MACROD2: variants seen among roughly 807,000 people sequenced by gnomAD.
MACROD2 encodes the protein mono-ADP ribosylhydrolase 2, also known as ADP-ribose glycohydrolase MACROD2.
Under a neutral mutation model 70.4 loss-of-function variants are expected in MACROD2, and 36 were observed. The ratio of observed to expected loss-of-function variants is 0.51; its 90% CI spans 0.39 to 0.68. MACROD2 has a LOEUF of 0.68. Among genes scored for constraint, MACROD2 ranks in the 30% least tolerant of loss-of-function variants. MACROD2 has a pLI of 0.00. For synonymous variants in MACROD2, 172 were observed against 178.8 expected, an observed-to-expected ratio of 0.96 and a Z score of 0.30; for missense variants, 496 against 538.4, an observed-to-expected ratio of 0.92 and a Z score of 0.78.
intron 15 of MACROD2, among the ~76,000 whole-genome samples, chr20:16,000,347 CT>C (rs1861069995): frequency 6.6e-6 from 1 of 152,144 alleles, no homozygotes; most frequent in African/African-American, 2.4e-5. Context: ...TAAGCATAGT[CT>C]TTGCTGTGTT....
At chr20:15,209,149 T>TTTATTTA in intron 5 of MACROD2, among the ~76,000 whole-genome samples, 1 of 100,276 alleles carries the variant, frequency 1.0e-5, no homozygotes, top group Non-Finnish European at 2.4e-5. Context: ...TTATTTATTT[T>TTTATTTA]TTAGTCTGCT....
chr20:14,254,033 AT>A (rs1323474851), intron 3 of MACROD2, among the ~76,000 whole-genome samples: 1 of 152,142 alleles, frequency 6.6e-6, no homozygotes, highest in African/African-American at 2.4e-5. Flanking sequence ...TAATACAAAA[AT>A]TAACAAATAG....
intron 7 of MACROD2, among the ~76,000 whole-genome samples, chr20:15,499,553 T>G (rs1383211971): frequency 6.6e-6 from 1 of 152,216 alleles, no homozygotes; most frequent in Non-Finnish European, 1.5e-5. Flanking sequence ...TTATTTATTG[T>G]CTTTTTGTTT....
intron 8 of MACROD2, among the ~76,000 whole-genome samples, chr20:15,759,242 AT>A (rs2051399506): frequency 6.6e-6 from 1 of 151,998 alleles, no homozygotes. Context: ...GAACCCGTTA[AT>A]TCCATAAGGA....
chr20:14,673,063 G>C (rs748803671), intron 4 of MACROD2, among the ~76,000 whole-genome samples: 20 of 152,164 alleles, frequency 1.3e-4, no homozygotes, highest in Non-Finnish European at 2.5e-4. Context: ...AGCGTTAAGT[G>C]AAACACTGTT....
intron 6 of MACROD2, among the ~76,000 whole-genome samples, chr20:15,368,743 G>A (rs180803077): frequency 2.6e-5 from 4 of 152,174 alleles, no homozygotes; most frequent in East Asian, 1.9e-4. Flanking sequence ...GATTACAGGC[G>A]TGAGCCACCA....
At chr20:15,557,498 T>C (rs2048183315) in intron 8 of MACROD2, among the ~76,000 whole-genome samples, 1 of 152,210 alleles carries the variant, frequency 6.6e-6, no homozygotes, top group African/African-American at 2.4e-5. Flanking sequence ...ATCTTTTGTT[T>C]TTTCCCCTGA....
chr20:14,740,931 C>T (rs2071725302), intron 5 of MACROD2, among the ~76,000 whole-genome samples: 1 of 152,050 alleles, frequency 6.6e-6, no homozygotes, highest in Non-Finnish European at 1.5e-5. Context: ...TGCTTCAGTT[C>T]CTTTGTGTGT....
chr20:16,035,267 G>A (rs1230723558), intron 15 of MACROD2, among the ~76,000 whole-genome samples: 1 of 148,904 alleles, frequency 6.7e-6, no homozygotes, highest in Admixed American at 6.8e-5. Context: ...TGAGCCTTTG[G>A]GTTGGTTCCA....
intron 9 of MACROD2, among the ~76,000 whole-genome samples, chr20:15,870,182 T>G (rs2064560155): frequency 1.3e-5 from 2 of 151,894 alleles, no homozygotes; most frequent in Admixed American, 6.6e-5. Context: ...TTTCTGCCAT[T>G]TATTTCTGTC....
chr20:15,800,532 G>A (rs1262604579), intron 8 of MACROD2, among the ~76,000 whole-genome samples: 1 of 151,222 alleles, frequency 6.6e-6, no homozygotes, highest in Non-Finnish European at 1.5e-5. Context: ...ATATATTAAA[G>A]AGGATGTCCT....
chr20:15,139,908 C>T (rs1383178536), intron 5 of MACROD2, among the ~76,000 whole-genome samples: 3 of 152,162 alleles, frequency 2.0e-5, no homozygotes, highest in Non-Finnish European at 4.4e-5. Flanking sequence ...CAGGGAATAC[C>T]TCCAGAGAGA....
chr20:15,473,569 A>G (rs1334131427), intron 7 of MACROD2, among the ~76,000 whole-genome samples: 2 of 152,204 alleles, frequency 1.3e-5, no homozygotes, highest in Non-Finnish European at 2.9e-5. Context: ...AACTGTTTGT[A>G]GTGAGGACAG....
intron 8 of MACROD2, among the ~76,000 whole-genome samples, chr20:15,569,899 T>A (rs1309313522): frequency 1.3e-5 from 2 of 152,186 alleles, no homozygotes; most frequent in East Asian, 3.8e-4. Flanking sequence ...TGATGGGCAC[T>A]TAGGTTGATT....
At chr20:15,520,131 G>A (rs1275542724) in intron 8 of MACROD2, among the ~76,000 whole-genome samples, 1 of 152,094 alleles carries the variant, frequency 6.6e-6, no homozygotes, top group Non-Finnish European at 1.5e-5. Context: ...GATGAAAATA[G>A]GTAAATGTTT....
rs142029358 is a variant in MACROD2 at position 15,371,696 on chromosome 20, G to A, written c.541-59709G>A. ...AGGGGGATAGCCAAGAGTTTTCTTC[G>A]GTTCTTGTATTATCATTAAATTTTA... is the stretch of plus-strand genomic sequence containing the variant. On this transcript the variant is annotated intron_variant, in intron 6 of 17. Transcript: ENST00000684519. Among the ~76,000 whole-genome samples, 902 of 151,960 alleles carry A rather than the reference G, an allele frequency of 5.9e-3. 6 individuals are homozygous for A. Among genetic ancestry groups the A allele is most frequent in the African/African-American group, 0.02 (839 of 41,456 alleles).
intron 6 of MACROD2, among the ~76,000 whole-genome samples, chr20:15,413,109 C>G (rs975401564): frequency 6.6e-6 from 1 of 152,198 alleles, no homozygotes; most frequent in Non-Finnish European, 1.5e-5. Flanking sequence ...TCTGCTCTTT[C>G]AATTCCTGGA....
chr20:14,176,717 A>G (rs1223671976), intron 3 of MACROD2, among the ~76,000 whole-genome samples: 1 of 152,196 alleles, frequency 6.6e-6, no homozygotes, highest in Non-Finnish European at 1.5e-5. Flanking sequence ...TATAAGAAGA[A>G]ATGTTATGCT....
intron 13 of MACROD2, among the ~76,000 whole-genome samples, chr20:15,979,455 G>C (rs6135626): frequency 0.15 from 22,106 of 152,070 alleles, 1,928 homozygotes; most frequent in East Asian, 0.21. Context: ...GGGCTGCTGC[G>C]TGTCACATTG....
Sources: allele counts gnomAD v4.1 joint callset (sites outside exome capture counted in the v4.1 genomes callset), GRCh38; gene constraint gnomAD v4.1.1; transcripts MANE v1.5; gene names NCBI Gene and HGNC (gene_info 2026-07-23, HGNC 2026-07-21).